The following SSH3 variants were observed in gnomAD, a reference collection of about 807,000 sequenced individuals.
SSH3 encodes the protein slingshot protein phosphatase 3, also known as protein phosphatase Slingshot homolog 3.
In SSH3, 67 loss-of-function variants were observed where a neutral mutation model predicts 75.0. The observed-to-expected ratio is 0.89, with a 90% CI of 0.73 to 1.10. SSH3 has a LOEUF of 1.10. Among genes scored for constraint, SSH3 ranks in the 50% least tolerant of loss-of-function variants. The pLI is 0.00. For missense variants in SSH3, 824 were observed against 872.7 expected, an observed-to-expected ratio of 0.94 and a Z score of 0.70; for synonymous variants, 318 against 349.2, an observed-to-expected ratio of 0.91 and a Z score of 1.00.
In SSH3 at chr11:67,304,948, CA is replaced by C; in HGVS notation, c.281del (p.Gln94ArgfsTer12). The C allele has an allele frequency of 6.2e-7, 1 of 1,613,558 alleles. No homozygotes were observed. The highest frequency in any genetic ancestry group is 8.5e-7 in the Non-Finnish European group (1 of 1,179,968). ...GSQSPQKQEE[Q>X]RQHLHLMVQL... ...CCAGAGTCCCCAGAAGCAGGAGGAG[CA>C]GAGGCAGCACCTGCACCTCATGGTA... On this transcript the variant is annotated frameshift_variant, in exon 3 of 14. Transcript: ENST00000308127. LOFTEE classifies it high-confidence loss of function.
intron 13 of SSH3, among the ~76,000 whole-genome samples, chr11:67,311,296 G>A (rs376643399): frequency 1.3e-5 from 2 of 152,184 alleles, no homozygotes; most frequent in Admixed American, 6.5e-5. Flanking sequence ...AGGGGAGGAG[G>A]GCAGGGAGGC....
In SSH3 at chr11:67,310,331, A is replaced by G. The variant is rs1280042312; in HGVS notation, c.1675A>G (p.Met559Val). 3.1e-6 allele frequency: 5 copies of G among 1,606,018 alleles called. No individual in the cohort carries two copies. The highest frequency in any genetic ancestry group is 4.3e-6 in the Non-Finnish European group (5 of 1,174,498). Residue 559 changes from methionine (M) to valine (V), a missense_variant, in exon 13 of 14, where the codon ATG becomes GTG. Coordinates refer to ENST00000308127, the MANE Select transcript of SSH3 (RefSeq NM_017857.4). Reference protein sequence around the residue: ...ELESTSETSDMPEVFSSHESS... With the variant: ...ELESTSETSDVPEVFSSHESS... ...GGAGAGCACCTCAGAGACCAGTGAC[A>G]TGCCAGAGGTGAGGCTGGGGCTGGG...
At chr11:67,311,498 G>T in intron 13 of SSH3, 93 bp from the exon 14 acceptor site, 1 of 1,508,140 alleles carries the variant, frequency 6.6e-7, no homozygotes, top group Non-Finnish European at 9.1e-7. Flanking sequence ...CTCTGTGCTT[G>T]GCACCCCTGC....
chr11:67,310,355 G>A lies in SSH3; in HGVS notation c.1683+16G>A, dbSNP rs1193477645. ...CATGCCAGAGGTGAGGCTGGGGCTG[G>A]GGGAGCTCAGCTTGCAGGGGTGGGG... On this transcript the variant is annotated intron_variant, in intron 13 of 13. Transcript: ENST00000308127. The A allele has an allele frequency of 1.9e-6, 3 of 1,589,220 alleles. No individual in the cohort carries two copies. Among genetic ancestry groups the A allele is most frequent in the Admixed American group, 3.5e-5 (2 of 57,412 alleles).
At position 67,308,492 on chromosome 11, in the gene SSH3, A is replaced by G; in HGVS notation, c.1061+34A>G. 1.3e-6 allele frequency: 2 copies of G among 1,556,266 alleles called. No homozygotes were observed. The highest frequency in any genetic ancestry group is 1.7e-6 in the Non-Finnish European group (2 of 1,150,762). On this transcript the variant is annotated intron_variant, in intron 10 of 13. Coordinates refer to ENST00000308127, the MANE Select transcript of SSH3 (RefSeq NM_017857.4). This position sits in a 1 kb window ranked among gnomAD's most constrained non-coding sequence, Gnocchi z 4.9. ...ATGAGCCCCTCGGGCCACCCACCCCATCTTCCCTTCTCCTGGCCTCCCCGC... is the reference window on the plus strand; with the variant it reads ...ATGAGCCCCTCGGGCCACCCACCCCGTCTTCCCTTCTCCTGGCCTCCCCGC...
In SSH3 at chr11:67,310,443, G is replaced by A. The variant is rs148583636; in HGVS notation, c.1683+104G>A. ...GTTTGACTGTAGACCTGAGCAGGGC[G>A]TACCCGGGCTAAGTCTGGCCCGCCC... On this transcript the variant is annotated intron_variant, in intron 13 of 13. Coordinates refer to ENST00000308127, the MANE Select transcript of SSH3 (RefSeq NM_017857.4). The A allele has an allele frequency of 5.5e-5, 78 of 1,414,156 alleles. 2 individuals are homozygous for A. The African/African-American group carries it at 1.0e-3, about 19-fold the overall frequency. 87.6% of individuals were successfully genotyped at this position (1,414,156 alleles called of 1,614,324 possible).
rs1861155165 is a variant in SSH3 at position 67,304,133 on chromosome 11, C to CA, written c.82_83insA (p.Arg28GlnfsTer28). On this transcript the variant is annotated frameshift_variant, in exon 2 of 14. Coordinates refer to ENST00000308127, the MANE Select transcript of SSH3 (RefSeq NM_017857.4). LOFTEE classifies it high-confidence loss of function. ...CTCTCCGCAGGACCAGGCGGTCCAG[C>CA]GAAGGAGTCGACTCCAGCGAAGGTG... 4.4e-6 allele frequency: 7 copies of CA among 1,598,882 alleles called. No homozygotes were observed. In the East Asian group the frequency reaches 1.6e-4, roughly 36 times the overall value.
In SSH3 at chr11:67,310,343, AG is replaced by A; in HGVS notation, c.1683+6del. 6.2e-7 allele frequency: 1 copy of A among 1,600,538 alleles called. No individual in the cohort carries two copies. Among genetic ancestry groups the A allele is most frequent in the Non-Finnish European group, 8.5e-7 (1 of 1,171,500 alleles). ...AGAGACCAGTGACATGCCAGAGGTGAGGCTGGGGCTGGGGGAGCTCAGCTTG... is the reference window on the plus strand; with the variant it reads ...AGAGACCAGTGACATGCCAGAGGTGAGCTGGGGCTGGGGGAGCTCAGCTTG... On this transcript the variant is annotated splice_donor_5th_base_variant and intron_variant, in intron 13 of 13. Transcript: ENST00000308127.
intron 2 of SSH3, among the ~76,000 whole-genome samples, 196 bp downstream of exon 2, chr11:67,304,351 C>T (rs1332410874): frequency 1.3e-5 from 2 of 152,238 alleles, no homozygotes; most frequent in Non-Finnish European, 2.9e-5. Context: ...TCACCCTCCC[C>T]CTGGTCAGCT....
At position 67,309,875 on chromosome 11, in the gene SSH3, C is replaced by T. The variant is rs1402684900; in HGVS notation, c.1316C>T (p.Ala439Val). The change falls in exon 12 of 14, where the codon GCC becomes GTC. Residue 439 changes from alanine (A) to valine (V), a missense_variant. Transcript: ENST00000308127. ...MKQYECSLEQ[A>V]LRHVQELRPI... ...CAGTACGAATGCAGCCTGGAGCAGG[C>T]CCTGCGCCACGTGCAGGAGCTCCGG... is the stretch of plus-strand genomic sequence containing the variant. 8 of 1,612,648 alleles carry T rather than the reference C, an allele frequency of 5.0e-6. No homozygotes were observed. The highest frequency in any genetic ancestry group is 5.9e-6 in the Non-Finnish European group (7 of 1,179,996).
At chr11:67,304,075 C>T in intron 1 of SSH3, 43 bp from the exon 2 acceptor site, 1 of 1,543,194 alleles carries the variant, frequency 6.5e-7, no homozygotes, top group Admixed American at 2.0e-5. Flanking sequence ...GAGGGGACAG[C>T]CCTCCCCGCC....
At chr11:67,304,259 C>A in intron 2 of SSH3, 104 bp downstream of exon 2, 1 of 919,204 alleles carries the variant, frequency 1.1e-6, no homozygotes, top group Non-Finnish European at 1.6e-6. Context: ...GGAGGACGCG[C>A]AGCGAAGCCC....
intron 3 of SSH3, 70 bp downstream of exon 3, chr11:67,305,077 G>A: frequency 6.9e-7 from 1 of 1,453,370 alleles, no homozygotes; most frequent in Non-Finnish European, 9.4e-7. Flanking sequence ...GGAGCCCTGT[G>A]TATGTGTCTG....
intron 10 of SSH3, 153 bp from the exon 11 acceptor site, chr11:67,309,244 G>C (rs947607352): frequency 5.4e-6 from 5 of 929,258 alleles, no homozygotes; most frequent in Non-Finnish European, 8.0e-6. Context: ...GCAGCCAGGT[G>C]ACAGCTGGGT....
In SSH3 at chr11:67,303,610, C is replaced by A; in HGVS notation, c.-16C>A. 6.6e-7 allele frequency: 1 copy of A among 1,518,512 alleles called. No homozygotes were observed. The highest frequency in any genetic ancestry group is 1.2e-5 in the South Asian group (1 of 82,744). 94.1% of individuals were successfully genotyped at this position (1,518,512 alleles called of 1,614,324 possible). ...GCCGTGCCCGGTGCCAGCCCAGGTG[C>A]TCGCGGCCTGGCTCCATGGCCCTGG... On this transcript the variant is annotated 5_prime_UTR_variant, in exon 1 of 14. Coordinates refer to ENST00000308127, the MANE Select transcript of SSH3 (RefSeq NM_017857.4).
Position 67,306,970 on chromosome 11 carries a change from C to G in SSH3, c.464+8C>G, listed in dbSNP as rs1278212687. On this transcript the variant is annotated splice_region_variant and intron_variant, in intron 4 of 13. Transcript: ENST00000308127. ...GGATTTCCCTGACAGCAGGTTCGAGCAGGGAGAGGAAAGGAGGGGCAAAGA... is the reference window on the plus strand; with the variant it reads ...GGATTTCCCTGACAGCAGGTTCGAGGAGGGAGAGGAAAGGAGGGGCAAAGA... The G allele has an allele frequency of 1.2e-6, 2 of 1,612,010 alleles. No individual in the cohort carries two copies. The highest frequency in any genetic ancestry group is 1.3e-5 in the African/African-American group (1 of 74,848).
At chr11:67,306,693 C>G in intron 3 of SSH3, 145 bp from the exon 4 acceptor site, 1 of 1,023,704 alleles carries the variant, frequency 9.8e-7, no homozygotes, top group South Asian at 1.7e-5. Context: ...CACACAGTCC[C>G]TCTTTACCCA....
At chr11:67,303,727 T>C (rs1861132945) in intron 1 of SSH3, 36 bp downstream of exon 1, 1 of 1,447,390 alleles carries the variant, frequency 6.9e-7, no homozygotes, top group African/African-American at 1.5e-5. Flanking sequence ...GCCCACGCAG[T>C]TGCTGCCCCG....
intron 3 of SSH3, among the ~76,000 whole-genome samples, chr11:67,305,232 G>T (rs1165227593): frequency 1.3e-5 from 2 of 152,090 alleles, no homozygotes; most frequent in East Asian, 3.9e-4. Context: ...TGTTGCCCAG[G>T]CTGGAGTGCA....
Sources: gnomAD v4.1 joint callset for allele counts (sites outside exome capture counted in the v4.1 genomes callset) on GRCh38, gnomAD v4.1.1 for gene constraint, Gnocchi (gnomAD v3.1) non-coding constraint, MANE v1.5 for transcripts, NCBI Gene and HGNC (gene_info 2026-07-23, HGNC 2026-07-21) for gene names.